Variants in FAM149B1 observed in about 807,000 individuals in gnomAD.
FAM149B1 encodes the protein family with sequence similarity 149 member B1, also known as primary cilium assembly protein FAM149B1.
Under a neutral mutation model 75.3 loss-of-function variants are expected in FAM149B1, and 56 were observed. The observed-to-expected ratio is 0.74, with a 90% CI of 0.60 to 0.93. The LOEUF is 0.93. Among genes scored for constraint, FAM149B1 ranks in the 40% least tolerant of loss-of-function variants. The pLI is 0.00. For missense variants in FAM149B1, 639 were observed against 708.4 expected (o/e 0.90, Z 1.11); for synonymous variants, 259 against 256.1 (o/e 1.01, Z -0.11).
chr10:73,225,069 A>G (rs1305337520), intron 7 of FAM149B1, among the ~76,000 whole-genome samples: 1 of 152,248 alleles, frequency 6.6e-6, no homozygotes, highest in African/African-American at 2.4e-5. Context: ...TGATGCTGGT[A>G]TAAACAAACC....
At chr10:73,184,754 A>G (rs1169981923) in intron 3 of FAM149B1, among the ~76,000 whole-genome samples, 2 of 152,222 alleles carry the variant, frequency 1.3e-5, no homozygotes. Flanking sequence ...AAATATAAAC[A>G]TTTATGGGAT....
At chr10:73,236,413 C>CT (rs571460371) in intron 12 of FAM149B1, among the ~76,000 whole-genome samples, 5,826 of 133,264 alleles carry the variant, frequency 0.044, 170 homozygotes, top group East Asian at 0.065. Context: ...CAATTTCTGC[C>CT]TTTTTTTTTT....
intron 3 of FAM149B1, among the ~76,000 whole-genome samples, chr10:73,186,229 G>T (rs1296836519): frequency 3.3e-5 from 5 of 151,874 alleles, no homozygotes; most frequent in African/African-American, 1.2e-4. Context: ...GGACAAAAAT[G>T]ACATGATCAT....
At chr10:73,200,911 C>G (rs1440398660) in intron 5 of FAM149B1, 3 of 476,642 alleles carry the variant, frequency 6.3e-6, no homozygotes, top group Non-Finnish European at 1.3e-5. Context: ...AGTTTTTGCT[C>G]TGCATGGCGA....
In FAM149B1 at chr10:73,228,189, G is replaced by A. The variant is rs2043600460; in HGVS notation, c.1023+5G>A. ...CTGTACATTACCTCAAATCCGGTAA[G>A]CCCCAGAGGGATCAGTTGGAGACCC... On this transcript the variant is annotated splice_donor_5th_base_variant and intron_variant, in intron 8 of 13. Coordinates refer to ENST00000242505, the MANE Select transcript of FAM149B1 (RefSeq NM_173348.2). 3 of 1,551,476 alleles carry A rather than the reference G, an allele frequency of 1.9e-6. No individual in the cohort carries two copies. The highest frequency in any genetic ancestry group is 2.6e-6 in the Non-Finnish European group (3 of 1,146,916).
At chr10:73,192,388 C>T (rs374950516) in intron 3 of FAM149B1, 168 bp from the exon 4 acceptor site, 17 of 637,598 alleles carry the variant, frequency 2.7e-5, no homozygotes, top group African/African-American at 1.1e-4. Context: ...CTGAAAATTC[C>T]GAGATCTGAA....
intron 13 of FAM149B1, among the ~76,000 whole-genome samples, chr10:73,240,537 C>G (rs550405452): frequency 6.6e-6 from 1 of 151,938 alleles, no homozygotes; most frequent in Non-Finnish European, 1.5e-5. Flanking sequence ...ATGGTGAAAC[C>G]CCATCTCTAC....
In FAM149B1 at chr10:73,215,395, A is replaced by T. The variant is rs563466676; in HGVS notation, c.898+4957A>T. 5.3e-5 allele frequency among the ~76,000 whole-genome samples: 8 copies of T among 151,224 alleles called. No individual in the cohort carries two copies. The East Asian group carries it at 7.8e-4, about 15-fold the overall frequency. Reference sequence around the variant, plus strand: ...TTTTTACTTTTTTTTAATTAAAAAAATTTTTTTTTAGAGATTGGGTTTTGC... The same window carrying T: ...TTTTTACTTTTTTTTAATTAAAAAATTTTTTTTTTAGAGATTGGGTTTTGC... On this transcript the variant is annotated intron_variant, in intron 7 of 13. Transcript: ENST00000242505.
Position 73,187,465 on chromosome 10 carries a change from C to T in FAM149B1, c.283-5091C>T, listed in dbSNP as rs11527233. Among the ~76,000 whole-genome samples the T allele has an allele frequency of 3.3e-5, 5 of 151,280 alleles. No individual in the cohort carries two copies. The East Asian group carries it at 5.8e-4, about 18-fold the overall frequency. ...GGACATATGGCCAGGCGAGGTGGCT[C>T]ACGCCTGTAATCCCAGCACTTTGGG... On this transcript the variant is annotated intron_variant, in intron 3 of 13. Coordinates refer to ENST00000242505, the MANE Select transcript of FAM149B1 (RefSeq NM_173348.2).
At chr10:73,203,594 G>A (rs2042987113) in intron 5 of FAM149B1, among the ~76,000 whole-genome samples, 1 of 151,564 alleles carries the variant, frequency 6.6e-6, no homozygotes, top group Non-Finnish European at 1.5e-5. Flanking sequence ...TTTTGAAACA[G>A]TTGGGCTAGT....
intron 5 of FAM149B1, chr10:73,200,481 T>A (rs2042908203): frequency 3.2e-6 from 2 of 620,236 alleles, no homozygotes; most frequent in Admixed American, 4.0e-5. Flanking sequence ...ATATTGTTGG[T>A]ACACCAGGGA....
Position 73,240,581 on chromosome 10 carries a change from A to G in FAM149B1, c.1676-365A>G, listed in dbSNP as rs576558492. Among the ~76,000 whole-genome samples the G allele has an allele frequency of 6.8e-4, 103 of 152,162 alleles. No individual in the cohort carries two copies. In the South Asian group the frequency reaches 7.9e-3, roughly 12 times the overall value. On this transcript the variant is annotated intron_variant, in intron 13 of 13. Coordinates refer to ENST00000242505, the MANE Select transcript of FAM149B1 (RefSeq NM_173348.2). ...CAAAAAATTAGCCGGGTGTGGTGGC[A>G]GATGCCTGTAGTCCCAGCTACTCGG...
At chr10:73,223,693 GTTTGT>G (rs1356387485) in intron 7 of FAM149B1, among the ~76,000 whole-genome samples, 9 of 149,986 alleles carry the variant, frequency 6.0e-5, no homozygotes, top group South Asian at 2.1e-4. Flanking sequence ...GTCTTTGTGG[GTTTGT>G]TTTATTTTTA....
chr10:73,234,914 A>G lies in FAM149B1; in HGVS notation c.1450A>G (p.Ser484Gly), dbSNP rs1313377515. 1 of 1,552,042 alleles carries G rather than the reference A, an allele frequency of 6.4e-7. No homozygotes were observed. Among genetic ancestry groups the G allele is most frequent in the Admixed American group, 2.0e-5 (1 of 51,008 alleles). The change falls in exon 11 of 14, where the codon AGC (serine) becomes GGC (glycine). Residue 484 changes from serine (S) to glycine (G), a missense_variant. Ser to Gly is a moderately conservative substitution (Grantham distance 56, BLOSUM62 0). Coordinates refer to ENST00000242505, the MANE Select transcript of FAM149B1 (RefSeq NM_173348.2). The stretch of plus-strand genomic sequence containing the variant: ...TGGCACAGCTGAAGTGGAACATGTG[A>G]GCACTGTGGGGCCACAAAGACAGAT... ...PIGTAEVEHV[S>G]TVGPQRQMKP...
rs1189888319 is a variant in FAM149B1, at chr10:73,210,241, T to C, written c.711-10T>C. The C allele has an allele frequency of 6.5e-7, 1 of 1,545,370 alleles. No homozygotes were observed. Among genetic ancestry groups the C allele is most frequent in the Non-Finnish European group, 8.8e-7 (1 of 1,142,486 alleles). The stretch of plus-strand genomic sequence containing the variant: ...CATCATGAAGTCTTTCCTTCTTGCT[T>C]CTGTTACAGAGAAGAGGGATTTCAT... On this transcript the variant is annotated splice_polypyrimidine_tract_variant and intron_variant, in intron 6 of 13. Transcript: ENST00000242505.
rs562110685 is a variant in FAM149B1 at position 73,215,640 on chromosome 10, A to C, written c.898+5202A>C. ...TTTATTTTCATTTGTTTCAGTTTTT[A>C]AATTTCTGTCAATTTTTTCATTGAC... On this transcript the variant is annotated intron_variant, in intron 7 of 13. Coordinates refer to ENST00000242505, the MANE Select transcript of FAM149B1 (RefSeq NM_173348.2). 1.5e-4 allele frequency among the ~76,000 whole-genome samples: 23 copies of C among 152,196 alleles called. No individual in the cohort carries two copies. In the South Asian group the frequency reaches 4.8e-3, roughly 32 times the overall value.
chr10:73,191,076 T>C (rs1413491536), intron 3 of FAM149B1, among the ~76,000 whole-genome samples: 1 of 152,202 alleles, frequency 6.6e-6, no homozygotes, highest in South Asian at 2.1e-4. Flanking sequence ...GTTTTGCTTT[T>C]GTTGCCCAGG....
chr10:73,225,913 T>G (rs1236447110), intron 7 of FAM149B1, among the ~76,000 whole-genome samples: 1 of 152,210 alleles, frequency 6.6e-6, no homozygotes, highest in East Asian at 1.9e-4. Context: ...TGTACAGGCC[T>G]GTGCCTAGGA....
intron 7 of FAM149B1, among the ~76,000 whole-genome samples, chr10:73,226,396 T>G (rs1317540483): frequency 5.3e-5 from 8 of 152,034 alleles, no homozygotes; most frequent in Admixed American, 4.6e-4. Context: ...TCCCAGCTAC[T>G]TGGGAGGCTG....
Sources: allele counts gnomAD v4.1 joint callset (sites outside exome capture counted in the v4.1 genomes callset), GRCh38; gene constraint gnomAD v4.1.1; transcripts MANE v1.5; gene names NCBI Gene and HGNC (gene_info 2026-07-23, HGNC 2026-07-21).